KIAA1217: variants seen among roughly 807,000 people sequenced by gnomAD.
KIAA1217 encodes the protein KIAA1217.
KIAA1217 carries 88 observed loss-of-function variants against 163.9 expected under a neutral mutation model. The observed-to-expected ratio is 0.54, with a 90% CI of 0.45 to 0.64. The LOEUF (loss-of-function observed/expected upper bound fraction) is 0.64. Ranked by LOEUF, KIAA1217 falls within the 30% of genes least tolerant of loss-of-function variation. The pLI, the probability that KIAA1217 is intolerant of heterozygous loss-of-function variation, is 0.00. For synonymous variants in KIAA1217, 903 were observed against 923.1 expected (o/e 0.98, Z 0.39); for missense variants, 2,372 against 2,475.0 (o/e 0.96, Z 0.88).
intron 4 of KIAA1217, among the ~76,000 whole-genome samples, chr10:24,436,416 T>G (rs1019869583): frequency 5.9e-5 from 9 of 151,978 alleles, no homozygotes; most frequent in Non-Finnish European, 1.2e-4. Flanking sequence ...CTTGATTATA[T>G]TTTATTTGAA....
At chr10:24,345,795 C>A (rs2047670737) in intron 2 of KIAA1217, among the ~76,000 whole-genome samples, 1 of 147,804 alleles carries the variant, frequency 6.8e-6, no homozygotes, top group South Asian at 2.4e-4. Context: ...GGCAACTTTA[C>A]GATTTTTTAA....
chr10:23,797,226 G>C (rs1459552594), intron 1 of KIAA1217, among the ~76,000 whole-genome samples: 2 of 152,128 alleles, frequency 1.3e-5, no homozygotes, highest in Non-Finnish European at 2.9e-5. Context: ...GGACAGGAGA[G>C]TGTTTTCAGG....
At chr10:23,758,445 T>C (rs1448000632) in intron 1 of KIAA1217, among the ~76,000 whole-genome samples, 1 of 152,206 alleles carries the variant, frequency 6.6e-6, no homozygotes, top group African/African-American at 2.4e-5. Context: ...CTGTTTCAAT[T>C]TACTGTAGCT....
At chr10:24,299,363 A>G (rs1265276322) in intron 2 of KIAA1217, among the ~76,000 whole-genome samples, 1 of 152,150 alleles carries the variant, frequency 6.6e-6, no homozygotes, top group Non-Finnish European at 1.5e-5. Context: ...ACCAAATATC[A>G]CAATCCTGTA....
At chr10:23,992,062 G>T (rs1024663385) in intron 1 of KIAA1217, among the ~76,000 whole-genome samples, 23 of 152,048 alleles carry the variant, frequency 1.5e-4, no homozygotes, top group African/African-American at 5.6e-4. Flanking sequence ...CATTTTATGG[G>T]CTCTCTTCTG....
intron 14 of KIAA1217, among the ~76,000 whole-genome samples, chr10:24,529,278 G>T (rs1457327361): frequency 6.6e-6 from 1 of 152,094 alleles, no homozygotes; most frequent in Non-Finnish European, 1.5e-5. Context: ...CATGGTATTT[G>T]CATGTAACCT....
In KIAA1217 at chr10:24,484,741, G is replaced by A. The variant is rs138116232; in HGVS notation, c.1680-9759G>A. Among the ~76,000 whole-genome samples the A allele has an allele frequency of 5.9e-5, 9 of 152,190 alleles. No homozygotes were observed. The East Asian group carries it at 1.4e-3, about 23-fold the overall frequency. ...TGTGCCTGGCAGAGGGACAAGTTCT[G>A]TGCAATTTAAATGAAAATAGCTATT... On this transcript the variant is annotated intron_variant, in intron 6 of 20. Coordinates refer to ENST00000376454, the MANE Select transcript of KIAA1217 (RefSeq NM_019590.5).
intron 2 of KIAA1217, among the ~76,000 whole-genome samples, chr10:24,306,948 A>G (rs567377507): frequency 1.7e-4 from 26 of 152,312 alleles, no homozygotes; most frequent in African/African-American, 6.0e-4. Flanking sequence ...GCAAGAAATG[A>G]CGGCTACCTG....
intron 2 of KIAA1217, among the ~76,000 whole-genome samples, chr10:24,304,205 C>CT (rs35675149): frequency 0.062 from 7,778 of 125,440 alleles, 420 homozygotes; most frequent in East Asian, 0.29. Context: ...ATTAGGTTAC[C>CT]TTTTTTTTTT....
intron 2 of KIAA1217, among the ~76,000 whole-genome samples, chr10:24,344,112 C>T (rs1274640632): frequency 1.3e-5 from 2 of 152,120 alleles, no homozygotes; most frequent in East Asian, 1.9e-4. Flanking sequence ...TTAGTGTTCA[C>T]GATGACATTG....
intron 2 of KIAA1217, among the ~76,000 whole-genome samples, chr10:24,312,409 A>C (rs907276764): frequency 5.9e-5 from 9 of 152,028 alleles, no homozygotes; most frequent in Non-Finnish European, 1.0e-4. Flanking sequence ...TGAGGTCAGG[A>C]GTTCGAGATC....
Position 23,979,290 on chromosome 10 carries a change from C to T in KIAA1217, c.-320-27935C>T, listed in dbSNP as rs60395233. Among the ~76,000 whole-genome samples, 1,074 of 152,292 alleles carry T rather than the reference C, an allele frequency of 7.1e-3. 9 individuals are homozygous for T. The highest frequency in any genetic ancestry group is 0.024 in the African/African-American group (1,006 of 41,558). The stretch of plus-strand genomic sequence containing the variant: ...CAAACACAGCGTCCTAAAGAGGTGA[C>T]TTCACCCGCCCAAGTTGACATAGCC... On this transcript the variant is annotated intron_variant, in intron 1 of 18. Transcript: ENST00000376462.
At chr10:23,777,954 C>CTTTTTTTTTTTTTT (rs1322813122) in intron 1 of KIAA1217, among the ~76,000 whole-genome samples, 83 of 151,618 alleles carry the variant, frequency 5.5e-4, no homozygotes, top group African/African-American at 1.9e-3. Flanking sequence ...TTTTCTTTTT[C>CTTTTTTTTTTTTTT]TTTTTTGAGA....
chr10:23,922,026 G>C lies in KIAA1217; in HGVS notation c.-320-85199G>C, dbSNP rs566639620. 7.2e-5 allele frequency among the ~76,000 whole-genome samples: 11 copies of C among 152,160 alleles called. No individual in the cohort carries two copies. The South Asian group carries it at 1.7e-3, about 23-fold the overall frequency. The stretch of plus-strand genomic sequence containing the variant: ...CAGAGGTACCAGCCATGTGATGAGA[G>C]TGTCAGAACTTTCACCCCCCACCCC... On this transcript the variant is annotated intron_variant, in intron 1 of 18. Coordinates refer to the KIAA1217 transcript ENST00000376462.
At chr10:23,876,846 T>C (rs12247225) in intron 1 of KIAA1217, among the ~76,000 whole-genome samples, 33,277 of 151,834 alleles carry the variant, frequency 0.22, 3,985 homozygotes, top group African/African-American at 0.3. Context: ...TCATGAAATT[T>C]TACAACTATA....
intron 3 of KIAA1217, among the ~76,000 whole-genome samples, chr10:24,382,923 C>G (rs1264389276): frequency 1.4e-5 from 2 of 147,042 alleles, no homozygotes; most frequent in Non-Finnish European, 3.0e-5. Context: ...TCATGATTCA[C>G]TACAGCCTCG....
At chr10:23,883,595 C>A (rs1164037744) in intron 1 of KIAA1217, among the ~76,000 whole-genome samples, 2 of 151,894 alleles carry the variant, frequency 1.3e-5, no homozygotes, top group Non-Finnish European at 2.9e-5. Flanking sequence ...CAAATCGATA[C>A]CTTGATTAAA....
At chr10:23,798,922 A>C (rs1158248310) in intron 1 of KIAA1217, among the ~76,000 whole-genome samples, 2 of 152,222 alleles carry the variant, frequency 1.3e-5, no homozygotes, top group Non-Finnish European at 2.9e-5. Context: ...TGTCTCAAAC[A>C]ACAACAAAAA....
rs146528244 is a variant in KIAA1217 at position 24,320,810 on chromosome 10, G to T, written c.355-60059G>T. On this transcript the variant is annotated intron_variant, in intron 2 of 20. Coordinates refer to ENST00000376454, the MANE Select transcript of KIAA1217 (RefSeq NM_019590.5). ...TGTAATCCCAGCACTTTGGGAGGCT[G>T]AGGCGGGCGGATCACGAGGTCGGGA... 3.5e-3 allele frequency among the ~76,000 whole-genome samples: 529 copies of T among 152,136 alleles called. 2 individuals are homozygous for T. Among genetic ancestry groups the T allele is most frequent in the Non-Finnish European group, 5.6e-3 (381 of 67,984 alleles).
Sources: allele counts gnomAD v4.1 joint callset (sites outside exome capture counted in the v4.1 genomes callset), GRCh38; gene constraint gnomAD v4.1.1; transcripts MANE v1.5; gene names NCBI Gene and HGNC (gene_info 2026-07-23, HGNC 2026-07-21).